The following GLS variants were observed in gnomAD, a reference collection of about 807,000 sequenced individuals.
GLS encodes the protein glutaminase, also known as glutaminase kidney isoform, mitochondrial.
In GLS, 36 loss-of-function variants were observed where a neutral mutation model predicts 86.7. The ratio of observed to expected loss-of-function variants is 0.42; its 90% CI spans 0.32 to 0.55. GLS has a LOEUF of 0.55. Ranked by LOEUF, GLS falls within the 20% of genes least tolerant of loss-of-function variation. The pLI, the probability that GLS is intolerant of heterozygous loss-of-function variation, is 0.17. For synonymous variants in GLS, 317 were observed against 305.9 expected (o/e 1.04, Z -0.38); for missense variants, 528 against 833.4 (o/e 0.63, Z 4.51).
intron 3 of GLS, among the ~76,000 whole-genome samples, chr2:190,899,465 T>A (rs1688865298): frequency 6.6e-6 from 1 of 152,130 alleles, no homozygotes; most frequent in Admixed American, 6.5e-5. Context: ...CTGTGAAACC[T>A]GGCTTTTAGC....
chr2:190,950,672 G>T (rs1690696962), intron 14 of GLS, among the ~76,000 whole-genome samples: 1 of 152,214 alleles, frequency 6.6e-6, no homozygotes, highest in South Asian at 2.1e-4. Context: ...GGTGGGAAGA[G>T]CGTGGGCTGG....
At chr2:190,934,531 A>C in intron 14 of GLS, 3 of 983,924 alleles carry the variant, frequency 3.0e-6, no homozygotes, top group Non-Finnish European at 3.6e-6. Flanking sequence ...TTTGTGTTGC[A>C]TATTTATGTT....
chr2:190,917,158 G>T (rs1689564391), intron 7 of GLS, among the ~76,000 whole-genome samples: 1 of 152,174 alleles, frequency 6.6e-6, no homozygotes, highest in Non-Finnish European at 1.5e-5. Context: ...ATTGGAGTCA[G>T]TCCTCCAAAA....
Position 190,895,841 on chromosome 2 carries a change from A to T in GLS, c.605+116A>T. 1.5e-6 allele frequency: 1 copy of T among 671,208 alleles called. No individual in the cohort carries two copies. The highest frequency in any genetic ancestry group is 2.5e-6 in the Non-Finnish European group (1 of 400,730). The allele number at this position is 671,208 out of a possible 1,614,324, so 41.6% of individuals were successfully genotyped here. A position where few individuals can be genotyped will look rare whatever the true frequency, so the allele number is the denominator to read the frequency against. ...GCTTCCTGTGTAATGGAAAAAGGGG[A>T]TTTATAAACATCATTTGTTTGAAGA... On this transcript the variant is annotated intron_variant, in intron 3 of 17. Transcript: ENST00000320717. This position sits in a 1 kb window ranked among gnomAD's most constrained non-coding sequence, Gnocchi z 4.2.
Position 190,959,641 on chromosome 2 carries a change from G to C in GLS, c.1854-3189G>C, listed in dbSNP as rs114828433. 2.2e-3 allele frequency among the ~76,000 whole-genome samples: 337 copies of C among 152,246 alleles called. 4 individuals carry two copies. In the South Asian group the frequency reaches 0.027, roughly 12 times the overall value. On this transcript the variant is annotated intron_variant, in intron 17 of 17. Transcript: ENST00000320717. ...AAACTTTAAGATGATAATTAACACT[G>C]AATGTTCTCTCTTAGGATTTGCAAA...
chr2:190,881,006 A>C lies in GLS; in HGVS notation c.-79A>C. The C allele has an allele frequency of 1.4e-6, 2 of 1,455,710 alleles. No individual in the cohort carries two copies. Among genetic ancestry groups the C allele is most frequent in the Non-Finnish European group, 1.8e-6 (2 of 1,083,914 alleles). 90.2% of individuals were successfully genotyped at this position (1,455,710 alleles called of 1,614,324 possible). On this transcript the variant is annotated 5_prime_UTR_variant, in exon 1 of 18. Coordinates refer to ENST00000320717, the MANE Select transcript of GLS (RefSeq NM_014905.5). The stretch of plus-strand genomic sequence containing the variant: ...CTGTCATCTCACCGCCCCACCACAG[A>C]CCGCGTTCCCCGAGGAAACCGGCCG...
At chr2:190,946,001 A>C (rs1690569169) in intron 14 of GLS, among the ~76,000 whole-genome samples, 2 of 152,218 alleles carry the variant, frequency 1.3e-5, no homozygotes. Flanking sequence ...ATAGTATATT[A>C]ATAACTGTGT....
chr2:190,932,554 C>G (rs1690141230), intron 14 of GLS: 2 of 403,464 alleles, frequency 5.0e-6, no homozygotes, highest in Non-Finnish European at 8.6e-6. Flanking sequence ...AGAATAGAAA[C>G]TTCCATGGGA....
chr2:190,946,066 A>G (rs923046188), intron 14 of GLS, among the ~76,000 whole-genome samples: 2 of 152,210 alleles, frequency 1.3e-5, no homozygotes, highest in Admixed American at 6.5e-5. Flanking sequence ...CAGACTGTCT[A>G]ATTACAAAAG....
intron 1 of GLS, among the ~76,000 whole-genome samples, chr2:190,886,114 G>A (rs1559313208): frequency 6.6e-6 from 1 of 151,986 alleles, no homozygotes; most frequent in Non-Finnish European, 1.5e-5. Flanking sequence ...CTTGTGATAC[G>A]CCTGCTTCGG....
At position 190,881,594 on chromosome 2, in the gene GLS, C is replaced by T. The variant is rs895724314; in HGVS notation, c.386+124C>T. 9 of 954,378 alleles carry T rather than the reference C, an allele frequency of 9.4e-6. No individual in the cohort carries two copies. In the South Asian group the frequency reaches 1.1e-4, roughly 11 times the overall value. 59.1% of individuals were successfully genotyped at this position (954,378 alleles called of 1,614,324 possible). A position where few individuals can be genotyped will look rare whatever the true frequency, so the allele number is the denominator to read the frequency against. ...CTAGAAAAGAGAAAGAAAGAGGTGCCGGGCGGCCTGCGCCGTCTGCGCCAT... is the reference window on the plus strand; with the variant it reads ...CTAGAAAAGAGAAAGAAAGAGGTGCTGGGCGGCCTGCGCCGTCTGCGCCAT... On this transcript the variant is annotated intron_variant, in intron 1 of 17. Coordinates refer to ENST00000320717, the MANE Select transcript of GLS (RefSeq NM_014905.5).
At position 190,881,243 on chromosome 2, in the gene GLS, A is replaced by G. The variant is rs1018753184; in HGVS notation, c.159A>G (p.Arg53=). The change falls in exon 1 of 18, where the codon CGA becomes CGG. Residue 53 remains arginine, a synonymous_variant. Coordinates refer to ENST00000320717, the MANE Select transcript of GLS (RefSeq NM_014905.5). ...RPAAGPAAAA[R]LHPWWGGGGW... ...CCGCGGGCCCGGCTGCCGCCGCGCG[A>G]CTCCACCCGTGGTGGGGCGGGGGCG... 54 of 1,254,982 alleles carry G rather than the reference A, an allele frequency of 4.3e-5. No individual in the cohort carries two copies. The highest frequency in any genetic ancestry group is 5.1e-5 in the Non-Finnish European group (51 of 1,003,178). The allele number at this position is 1,254,982 out of a possible 1,614,324, so 77.7% of individuals were successfully genotyped here.
intron 4 of GLS, among the ~76,000 whole-genome samples, chr2:190,901,384 T>G (rs1219466000): frequency 1.4e-4 from 21 of 152,020 alleles, no homozygotes; most frequent in Non-Finnish European, 8.8e-5. Flanking sequence ...ATGAAAGTTT[T>G]CATTGTCATC....
intron 1 of GLS, among the ~76,000 whole-genome samples, chr2:190,883,345 T>A (rs989897564): frequency 2.0e-5 from 3 of 152,188 alleles, no homozygotes; most frequent in African/African-American, 7.2e-5. Flanking sequence ...TCCTGGGAGG[T>A]AAGCTCCCAG....
rs1254973227 is a variant in GLS at position 190,943,608 on chromosome 2, G to A, written c.1651-9957G>A. 6.6e-6 allele frequency among the ~76,000 whole-genome samples: 1 copy of A among 152,088 alleles called. No individual in the cohort carries two copies. Among genetic ancestry groups the A allele is most frequent in the Non-Finnish European group, 1.5e-5 (1 of 67,984 alleles). ...TGATGTCCTTTCTAAATTTTTTTTA[G>A]ATAGAACAATTGCTTTATTTTTTAG... On this transcript the variant is annotated intron_variant, in intron 14 of 17. Coordinates refer to ENST00000320717, the MANE Select transcript of GLS (RefSeq NM_014905.5). This position sits in a 1 kb window ranked among gnomAD's most constrained non-coding sequence, Gnocchi z 4.5.
At chr2:190,892,539 GT>G (rs981073761) in intron 1 of GLS, among the ~76,000 whole-genome samples, 1 of 152,072 alleles carries the variant, frequency 6.6e-6, no homozygotes, top group Admixed American at 6.5e-5. Flanking sequence ...AAAAGCTATA[GT>G]TTTTAGCTTT....
At chr2:190,886,742 A>G (rs986365703) in intron 1 of GLS, among the ~76,000 whole-genome samples, 2 of 151,984 alleles carry the variant, frequency 1.3e-5, no homozygotes, top group African/African-American at 2.4e-5. Flanking sequence ...ATGGTGAAAC[A>G]CTGTCTCTAC....
intron 7 of GLS, chr2:190,919,682 TTTC>T: frequency 5.9e-6 from 5 of 846,452 alleles, no homozygotes; most frequent in Non-Finnish European, 5.7e-6. Context: ...AAGTTGGTAA[TTTC>T]TTCTTTTAAT....
intron 1 of GLS, among the ~76,000 whole-genome samples, chr2:190,891,281 G>A (rs148106628): frequency 4.7e-4 from 72 of 151,972 alleles, no homozygotes; most frequent in African/African-American, 1.7e-3. Context: ...CTTACTTTAG[G>A]GATCTTTATT....
Sources: gnomAD v4.1 joint callset for allele counts (sites outside exome capture counted in the v4.1 genomes callset) on GRCh38, gnomAD v4.1.1 for gene constraint, Gnocchi (gnomAD v3.1) non-coding constraint, MANE v1.5 for transcripts, NCBI Gene and HGNC (gene_info 2026-07-23, HGNC 2026-07-21) for gene names.